ITGBL1: variants seen among roughly 807,000 people sequenced by gnomAD.
ITGBL1 encodes integrin subunit beta like 1, also known as integrin beta-like protein 1.
ITGBL1 carries 51 observed loss-of-function variants against 68.5 expected under a neutral mutation model. The observed-to-expected ratio is 0.74, with a 90% CI of 0.59 to 0.94. ITGBL1 has a LOEUF of 0.94. Ranked by LOEUF, ITGBL1 falls within the 40% of genes least tolerant of loss-of-function variation. ITGBL1 has a pLI of 0.00. For missense variants in ITGBL1, 649 were observed against 647.4 expected (o/e 1.00, Z -0.03); for synonymous variants, 209 against 227.3 (o/e 0.92, Z 0.72).
At chr13:101,705,292 C>CAAA (rs66461824) in intron 8 of ITGBL1, among the ~76,000 whole-genome samples, 25,026 of 104,368 alleles carry the variant, frequency 0.24, 2,852 homozygotes, top group East Asian at 0.45. Context: ...ATTTAAAAAG[C>CAAA]AAAAAAAAAA....
chr13:101,499,255 T>A (rs1425705492), intron 2 of ITGBL1, among the ~76,000 whole-genome samples: 3 of 152,226 alleles, frequency 2.0e-5, no homozygotes, highest in African/African-American at 7.2e-5. Context: ...ATACTTTTCT[T>A]ATGCTTTACA....
intron 2 of ITGBL1, among the ~76,000 whole-genome samples, chr13:101,471,346 A>G (rs182654963): frequency 2.1e-4 from 32 of 152,290 alleles, no homozygotes; most frequent in African/African-American, 7.7e-4. Context: ...TTATCAGGCC[A>G]TTCCCATGTC....
intron 2 of ITGBL1, among the ~76,000 whole-genome samples, chr13:101,517,263 C>T (rs1169828432): frequency 6.6e-6 from 1 of 152,180 alleles, no homozygotes; most frequent in Non-Finnish European, 1.5e-5. Context: ...AATCCTACAT[C>T]AGTACCTATG....
intron 2 of ITGBL1, among the ~76,000 whole-genome samples, chr13:101,560,556 A>G (rs1209061260): frequency 6.6e-6 from 1 of 152,186 alleles, no homozygotes; most frequent in Non-Finnish European, 1.5e-5. Flanking sequence ...TAGTCTTAAA[A>G]CAAGTAACAG....
intron 2 of ITGBL1, among the ~76,000 whole-genome samples, chr13:101,493,733 T>C (rs1364064208): frequency 6.6e-6 from 1 of 152,224 alleles, no homozygotes; most frequent in Non-Finnish European, 1.5e-5. Flanking sequence ...TCTATCTCAT[T>C]TTCTTTCTTT....
At chr13:101,686,521 A>G (rs2033758809) in intron 7 of ITGBL1, among the ~76,000 whole-genome samples, 1 of 151,960 alleles carries the variant, frequency 6.6e-6, no homozygotes, top group East Asian at 1.9e-4. Context: ...TTATTTTTAC[A>G]TATAATATAT....
chr13:101,636,850 G>A (rs998300410), intron 7 of ITGBL1, among the ~76,000 whole-genome samples: 6 of 151,834 alleles, frequency 4.0e-5, no homozygotes, highest in African/African-American at 1.5e-4. Flanking sequence ...TATTTATTTG[G>A]ATGCCAAAGA....
intron 2 of ITGBL1, among the ~76,000 whole-genome samples, chr13:101,529,864 T>C (rs1015236750): frequency 1.3e-5 from 2 of 152,176 alleles, no homozygotes; most frequent in Non-Finnish European, 2.9e-5. Flanking sequence ...CCTTCCTTTG[T>C]GAATTACCTA....
At chr13:101,488,478 G>A (rs1209460371) in intron 2 of ITGBL1, among the ~76,000 whole-genome samples, 2 of 152,184 alleles carry the variant, frequency 1.3e-5, no homozygotes, top group Admixed American at 1.3e-4. Flanking sequence ...AATTGACACT[G>A]GAAGAGTTTC....
chr13:101,508,727 T>C (rs1049197495), intron 2 of ITGBL1, among the ~76,000 whole-genome samples: 1 of 152,278 alleles, frequency 6.6e-6, no homozygotes, highest in African/African-American at 2.4e-5. Context: ...AATCAATTGA[T>C]TTTTTATTTG....
intron 7 of ITGBL1, among the ~76,000 whole-genome samples, chr13:101,601,463 C>T (rs966001940): frequency 1.3e-5 from 2 of 152,094 alleles, no homozygotes; most frequent in Non-Finnish European, 2.9e-5. Context: ...TTAGTTATTT[C>T]CTGCTTTCTG....
intron 2 of ITGBL1, among the ~76,000 whole-genome samples, chr13:101,482,043 G>A (rs2048632759): frequency 6.6e-6 from 1 of 151,998 alleles, no homozygotes; most frequent in African/African-American, 2.4e-5. Flanking sequence ...TAGAAAGTGG[G>A]GGCCAAAGAA....
chr13:101,549,313 A>G (rs1171636122), intron 2 of ITGBL1, among the ~76,000 whole-genome samples: 1 of 151,966 alleles, frequency 6.6e-6, no homozygotes, highest in Non-Finnish European at 1.5e-5. Context: ...TTCCAGATTT[A>G]TGCATAAAAT....
At chr13:101,543,357 C>G (rs972285731) in intron 2 of ITGBL1, among the ~76,000 whole-genome samples, 2 of 152,162 alleles carry the variant, frequency 1.3e-5, no homozygotes, top group Non-Finnish European at 2.9e-5. Flanking sequence ...GTTGAAAATT[C>G]TTTTCTTTAC....
chr13:101,523,192 A>T (rs1416263367), intron 2 of ITGBL1, among the ~76,000 whole-genome samples: 2 of 152,082 alleles, frequency 1.3e-5, no homozygotes, highest in Admixed American at 1.3e-4. Context: ...TAGCTCCTGG[A>T]TTTCTTAGGA....
chr13:101,463,905 C>CTTTTT (rs200070869), intron 2 of ITGBL1, among the ~76,000 whole-genome samples: 1 of 127,462 alleles, frequency 7.8e-6, no homozygotes. Context: ...CATTCTAGTT[C>CTTTTT]TTTTTTTTTT....
chr13:101,526,977 A>T (rs1003281073), intron 2 of ITGBL1, among the ~76,000 whole-genome samples: 9 of 152,166 alleles, frequency 5.9e-5, no homozygotes, highest in African/African-American at 2.2e-4. Flanking sequence ...ATTTAAAGTA[A>T]CATTTTCCTA....
intron 9 of ITGBL1, chr13:101,713,022 T>G (rs1436698200): frequency 6.6e-6 from 1 of 152,228 alleles, no homozygotes; most frequent in East Asian, 1.9e-4. Flanking sequence ...AAGTCAAGAC[T>G]AAATACAATT....
chr13:101,648,136 A>G (rs1319971864), intron 7 of ITGBL1, among the ~76,000 whole-genome samples: 1 of 152,144 alleles, frequency 6.6e-6, no homozygotes, highest in Non-Finnish European at 1.5e-5. Context: ...ATTTCAGGAG[A>G]ATTATTACAC....
Sources: gnomAD v4.1 joint callset for allele counts (sites outside exome capture counted in the v4.1 genomes callset) on GRCh38, gnomAD v4.1.1 for gene constraint, MANE v1.5 for transcripts, NCBI Gene and HGNC (gene_info 2026-07-23, HGNC 2026-07-21) for gene names.